The following QTMAN variants were observed in gnomAD, a reference collection of about 807,000 sequenced individuals.
QTMAN encodes queuosine-tRNA mannosyltransferase.
At chr2:144,143,923 C>T in the QTMAN span, among the ~76,000 whole-genome samples, 1 of 151,856 alleles carries the variant, frequency 6.6e-6, no homozygotes, top group African/African-American at 2.4e-5. Context: ...ACTAAAGAAA[C>T]ATTTGAGGAA....
the QTMAN span, among the ~76,000 whole-genome samples, chr2:144,058,153 C>T: frequency 7.2e-6 from 1 of 138,580 alleles, no homozygotes; most frequent in Admixed American, 7.4e-5. Flanking sequence ...CACACACACA[C>T]ACACACACAC....
the QTMAN span, among the ~76,000 whole-genome samples, chr2:144,148,818 G>C: frequency 2.0e-5 from 3 of 151,932 alleles, no homozygotes; most frequent in East Asian, 5.8e-4. Context: ...ATTTGAGACT[G>C]CCCACGCCAA....
chr2:144,207,883 G>A, the QTMAN span, among the ~76,000 whole-genome samples: 1 of 151,592 alleles, frequency 6.6e-6, no homozygotes, highest in Non-Finnish European at 1.5e-5. Context: ...TAGGGATGGG[G>A]GTCTCACTCT....
chr2:144,320,797 G>A, the QTMAN span, among the ~76,000 whole-genome samples: 1 of 152,282 alleles, frequency 6.6e-6, no homozygotes, highest in Non-Finnish European at 1.5e-5. Context: ...CAGCCATCCT[G>A]CATGGTGGAT....
chr2:144,133,107 A>C, the QTMAN span, among the ~76,000 whole-genome samples: 1 of 50,706 alleles, frequency 2.0e-5, no homozygotes, highest in East Asian at 4.4e-4. Flanking sequence ...CCAAAATGGA[A>C]TGACTGGTAA....
At chr2:143,989,478 C>T in the QTMAN span, among the ~76,000 whole-genome samples, 1 of 152,022 alleles carries the variant, frequency 6.6e-6, no homozygotes, top group Admixed American at 6.6e-5. Context: ...ATCACCAGCC[C>T]TCAAATGTCA....
chr2:144,034,801 C>T, the QTMAN span, among the ~76,000 whole-genome samples: 2 of 152,084 alleles, frequency 1.3e-5, no homozygotes, highest in African/African-American at 4.8e-5. Context: ...TTTATTTTGT[C>T]ATGTTTTATC....
At chr2:143,950,711 G>C in the QTMAN span, among the ~76,000 whole-genome samples, 48 of 151,460 alleles carry the variant, frequency 3.2e-4, no homozygotes, top group African/African-American at 1.1e-3. Flanking sequence ...TCTATCACAT[G>C]GGAAACTATT....
chr2:144,222,866 A>T, the QTMAN span, among the ~76,000 whole-genome samples: 1 of 152,220 alleles, frequency 6.6e-6, no homozygotes, highest in South Asian at 2.1e-4. Context: ...TGTATTGCAC[A>T]TGTTAAAAAA....
chr2:144,046,285 A>C, the QTMAN span, among the ~76,000 whole-genome samples: 5 of 152,388 alleles, frequency 3.3e-5, no homozygotes, highest in African/African-American at 1.2e-4. Flanking sequence ...TATTTGGACA[A>C]AAGGAAATAG....
the QTMAN span, among the ~76,000 whole-genome samples, chr2:144,109,286 A>C: frequency 3.3e-5 from 5 of 152,166 alleles, no homozygotes; most frequent in East Asian, 1.9e-4. Context: ...CAAAAACAAG[A>C]AATGGGGAAA....
At chr2:144,004,663 T>C in the QTMAN span, among the ~76,000 whole-genome samples, 2 of 152,016 alleles carry the variant, frequency 1.3e-5, no homozygotes, top group African/African-American at 4.8e-5. Context: ...CCCCTGTAGC[T>C]AGTAAATGTC....
the QTMAN span, among the ~76,000 whole-genome samples, chr2:143,966,809 ACT>A: frequency 6.6e-6 from 1 of 152,234 alleles, no homozygotes; most frequent in Non-Finnish European, 1.5e-5. Flanking sequence ...CAGTATAGAG[ACT>A]CTACAAAGTT....
the QTMAN span, among the ~76,000 whole-genome samples, chr2:144,087,255 A>G: frequency 1.3e-5 from 2 of 152,112 alleles, no homozygotes; most frequent in Non-Finnish European, 2.9e-5. Context: ...AGAAAAACCA[A>G]CTCAAAGCTT....
the QTMAN span, chr2:144,332,349 G>C: frequency 6.7e-6 from 1 of 148,692 alleles, no homozygotes; most frequent in Admixed American, 6.7e-5. Context: ...GCGCGGCCCC[G>C]CGAGGCGGGC....
chr2:144,287,947 C>T, the QTMAN span, among the ~76,000 whole-genome samples: 11 of 152,008 alleles, frequency 7.2e-5, no homozygotes, highest in Non-Finnish European at 1.2e-4. Context: ...CTCCACTTAC[C>T]GGGTTCAAGA....
chr2:144,243,980 A>G, the QTMAN span, among the ~76,000 whole-genome samples: 1 of 152,224 alleles, frequency 6.6e-6, no homozygotes, highest in Non-Finnish European at 1.5e-5. Flanking sequence ...TGCTGTCAAG[A>G]AACAAAAAAG....
At chr2:144,314,256 A>T in the QTMAN span, among the ~76,000 whole-genome samples, 1 of 152,230 alleles carries the variant, frequency 6.6e-6, no homozygotes, top group Non-Finnish European at 1.5e-5. Flanking sequence ...GATTAATCTC[A>T]AAAACATTAT....
chr2:144,133,152 AT>A, the QTMAN span, among the ~76,000 whole-genome samples: 6 of 32,554 alleles, frequency 1.8e-4, no homozygotes, highest in African/African-American at 4.8e-4. Flanking sequence ...TATATATATA[AT>A]ATAATATAAT....
Sources: allele counts gnomAD v4.1 joint callset (sites outside exome capture counted in the v4.1 genomes callset), GRCh38; gene constraint gnomAD v4.1.1; transcripts MANE v1.5; gene names NCBI Gene and HGNC (gene_info 2026-07-23, HGNC 2026-07-21).